Variants in JAZF1 observed in about 807,000 individuals in gnomAD.
JAZF1 encodes the protein JAZF zinc finger 1.
JAZF1 carries 8 observed loss-of-function variants against 26.4 expected under a neutral mutation model. The ratio of observed to expected loss-of-function variants is 0.30; its 90% CI spans 0.18 to 0.55. JAZF1 has a LOEUF of 0.55. Among genes scored for constraint, JAZF1 ranks in the 20% least tolerant of loss-of-function variants. JAZF1 has a pLI of 0.94. For missense variants in JAZF1, 199 were observed against 322.0 expected (o/e 0.62, Z 2.92); for synonymous variants, 126 against 122.3 (o/e 1.03, Z -0.20).
At chr7:27,963,727 TGTTTTG>T (rs1172477353) in intron 2 of JAZF1, among the ~76,000 whole-genome samples, 2 of 772 alleles carry the variant, frequency 2.6e-3, no homozygotes, top group Non-Finnish European at 3.5e-3. Context: ...ACACCGGTTT[TGTTTTG>T]TTTTGTTTTG....
intron 2 of JAZF1, among the ~76,000 whole-genome samples, chr7:27,991,290 T>C (rs892646737): frequency 6.6e-6 from 1 of 152,208 alleles, no homozygotes; most frequent in Non-Finnish European, 1.5e-5. Flanking sequence ...CCTAAGTTGA[T>C]TTCAGTTTCT....
At chr7:28,108,291 T>C (rs893259909) in intron 1 of JAZF1, among the ~76,000 whole-genome samples, 1 of 152,184 alleles carries the variant, frequency 6.6e-6, no homozygotes, top group Admixed American at 6.5e-5. Flanking sequence ...TCTTCATGCT[T>C]ACCCTTCCAG....
At chr7:28,169,524 T>G (rs575413381) in intron 1 of JAZF1, among the ~76,000 whole-genome samples, 46 of 152,316 alleles carry the variant, frequency 3.0e-4, no homozygotes, top group African/African-American at 1.1e-3. Flanking sequence ...TGAGTCATAC[T>G]CCACAGTCTA....
intron 3 of JAZF1, chr7:27,842,949 G>GA (rs1214341863): frequency 6.6e-6 from 1 of 152,234 alleles, no homozygotes. Flanking sequence ...CAACAGAAGA[G>GA]AAAACTTCAA....
chr7:28,072,983 C>A (rs1783999998), intron 1 of JAZF1, among the ~76,000 whole-genome samples: 3 of 152,270 alleles, frequency 2.0e-5, no homozygotes, highest in South Asian at 4.1e-4. Context: ...TGTTCCCCTC[C>A]TCCCAAAGCT....
At position 27,958,022 on chromosome 7, in the gene JAZF1, A is replaced by T. The variant is rs148629906; in HGVS notation, c.188+33887T>A. 5.2e-3 allele frequency among the ~76,000 whole-genome samples: 798 copies of T among 152,300 alleles called. 9 individuals are homozygous for T. Among genetic ancestry groups the T allele is most frequent in the African/African-American group, 0.018 (758 of 41,586 alleles). ...TGAAAGTGGTCTAATAGATCAGGAG[A>T]GAGAACTGGAAATTATTATTATTTA... is the stretch of plus-strand genomic sequence containing the variant. On this transcript the variant is annotated intron_variant, in intron 2 of 4. Coordinates refer to ENST00000283928, the MANE Select transcript of JAZF1 (RefSeq NM_175061.4).
chr7:27,966,098 A>C (rs1000855124), intron 2 of JAZF1, among the ~76,000 whole-genome samples: 2 of 152,252 alleles, frequency 1.3e-5, no homozygotes, highest in Non-Finnish European at 2.9e-5. Flanking sequence ...TATGAGCAGC[A>C]TGCTGGCATC....
intron 1 of JAZF1, among the ~76,000 whole-genome samples, chr7:28,160,422 G>C (rs1401980689): frequency 1.3e-5 from 2 of 152,028 alleles, no homozygotes; most frequent in African/African-American, 2.4e-5. Context: ...GGCTCCATGA[G>C]GGCAAGGGCT....
chr7:27,882,978 A>G (rs1783797750), intron 3 of JAZF1, among the ~76,000 whole-genome samples: 1 of 152,188 alleles, frequency 6.6e-6, no homozygotes, highest in Non-Finnish European at 1.5e-5. Context: ...TATTTTCAGT[A>G]GAATCCACAC....
chr7:28,090,492 A>G (rs538289284), intron 1 of JAZF1, among the ~76,000 whole-genome samples: 1 of 152,382 alleles, frequency 6.6e-6, no homozygotes, highest in South Asian at 2.1e-4. Flanking sequence ...ATTACATGCC[A>G]AAAGGAAATT....
At chr7:28,085,919 T>A (rs1280404570) in intron 1 of JAZF1, among the ~76,000 whole-genome samples, 2 of 152,256 alleles carry the variant, frequency 1.3e-5, no homozygotes, top group Non-Finnish European at 2.9e-5. Context: ...TTTGCACATC[T>A]GCAAAGTACT....
intron 1 of JAZF1, among the ~76,000 whole-genome samples, chr7:28,065,726 T>C (rs1462302041): frequency 6.6e-6 from 1 of 152,244 alleles, no homozygotes; most frequent in Non-Finnish European, 1.5e-5. Flanking sequence ...GCCTTTTCTT[T>C]TTCTTTCCTA....
chr7:28,069,384 G>C (rs554134786), intron 1 of JAZF1, among the ~76,000 whole-genome samples: 1 of 152,314 alleles, frequency 6.6e-6, no homozygotes, highest in East Asian at 1.9e-4. Flanking sequence ...ATTTTGCCTT[G>C]TTCTAAGGTG....
intron 2 of JAZF1, among the ~76,000 whole-genome samples, chr7:27,951,118 C>T (rs1785001458): frequency 6.6e-6 from 1 of 152,186 alleles, no homozygotes; most frequent in African/African-American, 2.4e-5. Flanking sequence ...CCCCATCTTA[C>T]TGAAGAGGCT....
intron 3 of JAZF1, among the ~76,000 whole-genome samples, chr7:27,887,362 T>TA (rs1363224999): frequency 6.6e-6 from 1 of 152,176 alleles, no homozygotes; most frequent in Non-Finnish European, 1.5e-5. Context: ...TTGTGCACTA[T>TA]AAGGTTAGAA....
At chr7:28,087,798 A>G (rs1784233358) in intron 1 of JAZF1, among the ~76,000 whole-genome samples, 1 of 152,196 alleles carries the variant, frequency 6.6e-6, no homozygotes, top group Non-Finnish European at 1.5e-5. Flanking sequence ...GAGCACCAAA[A>G]TCTAGATTTA....
At chr7:27,958,505 G>C (rs200330263) in intron 2 of JAZF1, among the ~76,000 whole-genome samples, 1 of 152,180 alleles carries the variant, frequency 6.6e-6, no homozygotes, top group Non-Finnish European at 1.5e-5. Context: ...GCAACCCCTA[G>C]TTTGTGTGCT....
At chr7:28,013,218 C>T (rs566368925) in intron 1 of JAZF1, among the ~76,000 whole-genome samples, 2 of 152,166 alleles carry the variant, frequency 1.3e-5, no homozygotes, top group African/African-American at 4.8e-5. Flanking sequence ...TGCTAAGCTC[C>T]CTGGGGACAA....
Position 27,831,483 on chromosome 7 carries a change from GT to G in JAZF1, c.*1316del, listed in dbSNP as rs2128329229. The G allele has an allele frequency of 4.4e-6, 1 of 229,298 alleles. No individual in the cohort carries two copies. Among genetic ancestry groups the G allele is most frequent in the Admixed American group, 5.7e-5 (1 of 17,676 alleles). The allele number at this position is 229,298 out of a possible 1,614,324, so 14.2% of individuals were successfully genotyped here. On this transcript the variant is annotated 3_prime_UTR_variant, in exon 5 of 5. Coordinates refer to ENST00000283928, the MANE Select transcript of JAZF1 (RefSeq NM_175061.4). ...AGAAAAGAACACTCAAGGCATGATGGTACTGTCGGTGAGGAAAAACTTAAGG... is the reference window on the plus strand; with the variant it reads ...AGAAAAGAACACTCAAGGCATGATGGACTGTCGGTGAGGAAAAACTTAAGG...
Sources: allele counts gnomAD v4.1 joint callset (sites outside exome capture counted in the v4.1 genomes callset), GRCh38; gene constraint gnomAD v4.1.1; transcripts MANE v1.5; gene names NCBI Gene and HGNC (gene_info 2026-07-23, HGNC 2026-07-21).